SGCZ: variants seen among roughly 807,000 people sequenced by gnomAD.
SGCZ encodes sarcoglycan zeta.
In SGCZ, 40 loss-of-function variants were observed where a neutral mutation model predicts 41.3. That is an observed-to-expected ratio of 0.97 (90% CI 0.75 to 1.26). The LOEUF is 1.26. SGCZ is among the 50% of genes most tolerant of loss of function. SGCZ has a pLI of 0.00. For missense variants in SGCZ, 552 were observed against 369.8 expected, an observed-to-expected ratio of 1.49 and a Z score of -4.04; for synonymous variants, 206 against 137.5, an observed-to-expected ratio of 1.50 and a Z score of -3.49.
At chr8:14,928,700 A>T (rs1376263651) in intron 1 of SGCZ, among the ~76,000 whole-genome samples, 2 of 152,198 alleles carry the variant, frequency 1.3e-5, no homozygotes, top group Non-Finnish European at 2.9e-5. Flanking sequence ...TTGTTATTCA[A>T]ATTGACATTT....
chr8:15,124,831 C>A (rs1467438357), intron 1 of SGCZ, among the ~76,000 whole-genome samples: 2 of 151,934 alleles, frequency 1.3e-5, no homozygotes, highest in African/African-American at 4.8e-5. Context: ...CAATTAAGAT[C>A]TTTAAAAAAT....
chr8:14,140,709 T>G (rs999663476), intron 5 of SGCZ, among the ~76,000 whole-genome samples: 25 of 152,112 alleles, frequency 1.6e-4, no homozygotes, highest in Non-Finnish European at 2.5e-4. Flanking sequence ...TGCTCATGGA[T>G]AGGAAGAATC....
chr8:14,830,026 G>T (rs527335465), intron 1 of SGCZ, among the ~76,000 whole-genome samples: 48 of 151,956 alleles, frequency 3.2e-4, no homozygotes, highest in African/African-American at 1.1e-3. Context: ...GTTAGCCAGG[G>T]GTCTCGATCG....
chr8:14,403,091 G>C (rs1356635417), intron 2 of SGCZ, among the ~76,000 whole-genome samples: 1 of 149,968 alleles, frequency 6.7e-6, no homozygotes, highest in Non-Finnish European at 1.5e-5. Flanking sequence ...CTCTCTGTTT[G>C]TCTGCTGTTG....
chr8:14,606,502 C>A (rs1226076697), intron 1 of SGCZ, among the ~76,000 whole-genome samples: 1 of 152,198 alleles, frequency 6.6e-6, no homozygotes, highest in Non-Finnish European at 1.5e-5. Flanking sequence ...TCATTACTCT[C>A]CGTCTTCTGG....
intron 4 of SGCZ, among the ~76,000 whole-genome samples, chr8:14,183,692 A>G (rs1804808112): frequency 6.6e-6 from 1 of 152,168 alleles, no homozygotes; most frequent in Non-Finnish European, 1.5e-5. Flanking sequence ...CTTAACCTCT[A>G]ATCTACCTAT....
intron 1 of SGCZ, among the ~76,000 whole-genome samples, chr8:14,945,920 T>C (rs1800426482): frequency 6.9e-6 from 1 of 145,726 alleles, no homozygotes; most frequent in African/African-American, 2.6e-5. Context: ...AGCCATGCTA[T>C]TGGCATGCCA....
rs146000007 is a variant in SGCZ at position 14,132,281 on chromosome 8, C to G, written c.548-24046G>C. Among the ~76,000 whole-genome samples, 405 of 152,242 alleles carry G rather than the reference C, an allele frequency of 2.7e-3. 4 individuals carry two copies. Among genetic ancestry groups the G allele is most frequent in the African/African-American group, 8.4e-3 (351 of 41,550 alleles). ...ATTTCAATTATTATAATGTTAAATA[C>G]CAGCATTTCAGTTTTATTTTTGAAT... On this transcript the variant is annotated intron_variant, in intron 5 of 7. Coordinates refer to ENST00000382080, the MANE Select transcript of SGCZ (RefSeq NM_139167.4).
intron 1 of SGCZ, among the ~76,000 whole-genome samples, chr8:14,562,309 T>A (rs1393364657): frequency 3.3e-5 from 5 of 151,980 alleles, no homozygotes. Flanking sequence ...TATTTACGAG[T>A]GAAAACTATT....
intron 1 of SGCZ, among the ~76,000 whole-genome samples, chr8:14,565,315 T>C (rs1235402304): frequency 6.7e-6 from 1 of 149,526 alleles, no homozygotes; most frequent in Non-Finnish European, 1.5e-5. Flanking sequence ...TGCAATGACT[T>C]TTTTTTTTTG....
intron 2 of SGCZ, among the ~76,000 whole-genome samples, chr8:14,445,268 C>A (rs1408705980): frequency 6.6e-6 from 1 of 152,222 alleles, no homozygotes; most frequent in South Asian, 2.1e-4. Flanking sequence ...ACTTCTATTC[C>A]TCTTTGCCTT....
intron 4 of SGCZ, among the ~76,000 whole-genome samples, chr8:14,221,272 C>A (rs886138192): frequency 6.6e-6 from 1 of 152,108 alleles, no homozygotes; most frequent in African/African-American, 2.4e-5. Context: ...GGAAAGCATA[C>A]GTTGAAAGAC....
rs190691681 is a variant in SGCZ at position 14,424,690 on chromosome 8, G to C, written c.235-100486C>G. 7.2e-5 allele frequency among the ~76,000 whole-genome samples: 11 copies of C among 152,236 alleles called. No individual in the cohort carries two copies. In the East Asian group the frequency reaches 2.1e-3, roughly 29 times the overall value. ...TCATATATCATTTAACCAATCATCT[G>C]TTAATGAATATCTGAATCATGTCCA... On this transcript the variant is annotated intron_variant, in intron 2 of 7. Transcript: ENST00000382080.
At chr8:14,236,699 T>G (rs1185921238) in intron 4 of SGCZ, among the ~76,000 whole-genome samples, 1 of 151,514 alleles carries the variant, frequency 6.6e-6, no homozygotes, top group Non-Finnish European at 1.5e-5. Context: ...TAGATAGAGA[T>G]AAACAGATAT....
intron 1 of SGCZ, among the ~76,000 whole-genome samples, chr8:14,694,039 T>C (rs1274762543): frequency 6.6e-6 from 1 of 152,212 alleles, no homozygotes; most frequent in African/African-American, 2.4e-5. Context: ...CAGTTGTAAG[T>C]TGTCATTTCT....
At position 14,617,794 on chromosome 8, in the gene SGCZ, G is replaced by T. The variant is rs539972244; in HGVS notation, c.40-62868C>A. ...TATAAATCCCTCTGTGGTTGGGAAA[G>T]ATAGTGCATGTTGAAGAAGATGGAA... On this transcript the variant is annotated intron_variant, in intron 1 of 7. Coordinates refer to ENST00000382080, the MANE Select transcript of SGCZ (RefSeq NM_139167.4). 8.5e-5 allele frequency among the ~76,000 whole-genome samples: 13 copies of T among 152,200 alleles called. No homozygotes were observed. In the South Asian group the frequency reaches 2.1e-3, roughly 24 times the overall value.
chr8:14,894,264 A>G lies in SGCZ; in HGVS notation c.40-339338T>C, dbSNP rs554771387. On this transcript the variant is annotated intron_variant, in intron 1 of 7. Coordinates refer to ENST00000382080, the MANE Select transcript of SGCZ (RefSeq NM_139167.4). ...ACTGCTTTCCGAATTAAGTTAAGCAACTATAGTTAATGAATGGTTCTCCCA... is the reference window on the plus strand; with the variant it reads ...ACTGCTTTCCGAATTAAGTTAAGCAGCTATAGTTAATGAATGGTTCTCCCA... Among the ~76,000 whole-genome samples the G allele has an allele frequency of 6.6e-5, 10 of 152,290 alleles. No individual in the cohort carries two copies. In the South Asian group the frequency reaches 1.7e-3, roughly 25 times the overall value.
intron 2 of SGCZ, among the ~76,000 whole-genome samples, chr8:14,551,582 TATATATA>T (rs1159101180): frequency 1.9e-4 from 5 of 26,654 alleles, no homozygotes; most frequent in South Asian, 7.0e-4. Flanking sequence ...ATATATATAA[TATATATA>T]ATATATATTA....
intron 1 of SGCZ, among the ~76,000 whole-genome samples, chr8:14,874,546 A>C (rs753854728): frequency 7.2e-5 from 11 of 152,174 alleles, no homozygotes; most frequent in Non-Finnish European, 1.6e-4. Context: ...AATATGATTA[A>C]AATGATTTAT....
Sources: gnomAD v4.1 joint callset for allele counts (sites outside exome capture counted in the v4.1 genomes callset) on GRCh38, gnomAD v4.1.1 for gene constraint, MANE v1.5 for transcripts, NCBI Gene and HGNC (gene_info 2026-07-23, HGNC 2026-07-21) for gene names.